Variants in NALF1 observed in about 807,000 individuals in gnomAD.
The protein encoded by NALF1 is family with sequence similarity 155 member A.
NALF1 carries 3 observed loss-of-function variants against 48.4 expected under a neutral mutation model. The observed-to-expected ratio is 0.06, with a 90% CI of 0.03 to 0.16. The LOEUF (loss-of-function observed/expected upper bound fraction) is 0.16, where lower values mean the gene tolerates loss of function less well. Among genes scored for constraint, NALF1 ranks in the 10% least tolerant of loss-of-function variants. The pLI is 1.00. For missense variants in NALF1, 526 were observed against 571.5 expected, an observed-to-expected ratio of 0.92 and a Z score of 0.81; for synonymous variants, 262 against 245.7, an observed-to-expected ratio of 1.07 and a Z score of -0.62.
intron 1 of NALF1, among the ~76,000 whole-genome samples, chr13:107,780,627 C>T (rs1039679613): frequency 6.6e-6 from 1 of 151,804 alleles, no homozygotes; most frequent in African/African-American, 2.4e-5. Context: ...GCCTCCTGAG[C>T]AGCTGGGATT....
chr13:107,779,540 T>C (rs956095979), intron 1 of NALF1, among the ~76,000 whole-genome samples: 1 of 152,232 alleles, frequency 6.6e-6, no homozygotes, highest in African/African-American at 2.4e-5. Flanking sequence ...TCTCCTCCTA[T>C]TCCTCCACTT....
chr13:107,847,223 T>C (rs1398326198), intron 1 of NALF1, among the ~76,000 whole-genome samples: 1 of 152,240 alleles, frequency 6.6e-6, no homozygotes, highest in Non-Finnish European at 1.5e-5. Flanking sequence ...TGGTCTCCTA[T>C]GTTTACAAAT....
chr13:107,457,410 T>G (rs1884841672), intron 1 of NALF1, among the ~76,000 whole-genome samples: 1 of 152,070 alleles, frequency 6.6e-6, no homozygotes, highest in Non-Finnish European at 1.5e-5. Flanking sequence ...ATCCAATTCA[T>G]GAGATAATTG....
chr13:107,519,203 C>T (rs7992725), intron 1 of NALF1, among the ~76,000 whole-genome samples: 97,729 of 151,732 alleles, frequency 0.64, 33,778 homozygotes, highest in Middle Eastern at 0.8. Context: ...CAACCAGAAC[C>T]ACAATATTCA....
chr13:107,665,798 TA>T (rs1048064084), intron 1 of NALF1, among the ~76,000 whole-genome samples: 1 of 152,090 alleles, frequency 6.6e-6, no homozygotes, highest in Admixed American at 6.6e-5. Flanking sequence ...AATTAAAAGA[TA>T]AAAATGAAAA....
intron 1 of NALF1, among the ~76,000 whole-genome samples, chr13:107,342,966 G>A (rs1300179956): frequency 6.6e-6 from 1 of 152,060 alleles, no homozygotes; most frequent in African/African-American, 2.4e-5. Flanking sequence ...ACAATGGATA[G>A]AACAATCAGA....
chr13:107,338,615 C>T (rs558357045), intron 1 of NALF1, among the ~76,000 whole-genome samples: 13 of 152,224 alleles, frequency 8.5e-5, no homozygotes, highest in Non-Finnish European at 1.5e-4. Flanking sequence ...ATTGACCAGC[C>T]TCATGGGTCT....
chr13:107,754,556 T>G (rs1877038991), intron 1 of NALF1, among the ~76,000 whole-genome samples: 1 of 152,100 alleles, frequency 6.6e-6, no homozygotes, highest in South Asian at 2.1e-4. Flanking sequence ...GATGGTTTTT[T>G]TTTTCTTTAA....
intron 1 of NALF1, among the ~76,000 whole-genome samples, chr13:107,335,369 T>C (rs1882537151): frequency 6.6e-6 from 1 of 152,194 alleles, no homozygotes; most frequent in South Asian, 2.1e-4. Flanking sequence ...TCATATTATC[T>C]GTACTGCAAA....
intron 2 of NALF1, among the ~76,000 whole-genome samples, chr13:107,183,516 T>C (rs1453179622): frequency 6.6e-6 from 1 of 152,190 alleles, no homozygotes; most frequent in Non-Finnish European, 1.5e-5. Context: ...GGATCATAAA[T>C]CATTCTACTA....
intron 1 of NALF1, among the ~76,000 whole-genome samples, chr13:107,577,340 C>T (rs1316089535): frequency 6.6e-6 from 1 of 152,126 alleles, no homozygotes; most frequent in Non-Finnish European, 1.5e-5. Flanking sequence ...TCTGCCTGTT[C>T]CTCTAAAGTT....
intron 1 of NALF1, among the ~76,000 whole-genome samples, chr13:107,515,662 A>G (rs1439560680): frequency 6.6e-6 from 1 of 152,178 alleles, no homozygotes; most frequent in Admixed American, 6.5e-5. Flanking sequence ...CTGAACTGTG[A>G]ATCTGAGGAA....
At chr13:107,379,881 A>C (rs573998599) in intron 1 of NALF1, among the ~76,000 whole-genome samples, 26 of 152,350 alleles carry the variant, frequency 1.7e-4, no homozygotes, top group African/African-American at 6.3e-4. Context: ...TTTACACTTA[A>C]GGCTGAGATT....
chr13:107,528,413 C>T lies in NALF1; in HGVS notation c.916-317658G>A, dbSNP rs536297156. ...ACTTGTAACCTTTAATGGATTCATA[C>T]GTTCTTTTAGATTAAAACATGTCCC... On this transcript the variant is annotated intron_variant, in intron 1 of 2. Coordinates refer to ENST00000375915, the MANE Select transcript of NALF1 (RefSeq NM_001080396.3). 3.4e-4 allele frequency among the ~76,000 whole-genome samples: 51 copies of T among 152,190 alleles called. No individual in the cohort carries two copies. In the South Asian group the frequency reaches 5.0e-3, roughly 15 times the overall value.
intron 2 of NALF1, among the ~76,000 whole-genome samples, chr13:107,176,900 T>C (rs1411544746): frequency 6.6e-6 from 1 of 151,754 alleles, no homozygotes; most frequent in East Asian, 1.9e-4. Context: ...TTTAAATTTA[T>C]TTAAATTTAT....
intron 1 of NALF1, chr13:107,788,839 T>C (rs930544449): frequency 1.3e-5 from 2 of 151,836 alleles, no homozygotes; most frequent in African/African-American, 4.8e-5. Context: ...TGCTGAAGGA[T>C]AGTGGCAACC....
chr13:107,620,150 A>C (rs752351796), intron 1 of NALF1, among the ~76,000 whole-genome samples: 37 of 152,214 alleles, frequency 2.4e-4, no homozygotes, highest in Non-Finnish European at 1.9e-4. Flanking sequence ...AGAAGAAAAA[A>C]TAATGCCAAT....
intron 1 of NALF1, among the ~76,000 whole-genome samples, chr13:107,501,812 A>T (rs888888060): frequency 4.6e-5 from 7 of 152,308 alleles, no homozygotes; most frequent in Admixed American, 3.3e-4. Context: ...GTATTATAGC[A>T]ACAACTAACA....
At chr13:107,197,906 G>T (rs1487338154) in intron 2 of NALF1, among the ~76,000 whole-genome samples, 1 of 152,092 alleles carries the variant, frequency 6.6e-6, no homozygotes, top group East Asian at 1.9e-4. Flanking sequence ...TCCTGGTAAG[G>T]ATTAAGGCTG....
Sources: allele counts gnomAD v4.1 joint callset (sites outside exome capture counted in the v4.1 genomes callset), GRCh38; gene constraint gnomAD v4.1.1; transcripts MANE v1.5; gene names NCBI Gene and HGNC (gene_info 2026-07-23, HGNC 2026-07-21).